Variants in KRT7 observed in about 807,000 individuals in gnomAD.
The protein encoded by KRT7 is keratin, type II cytoskeletal 7.
A neutral mutation model predicts 42.8 loss-of-function variants in KRT7; 50 were observed. The ratio of observed to expected loss-of-function variants is 1.17; its 90% CI spans 0.93 to 1.48. KRT7 has a LOEUF of 1.48. Ranked by LOEUF, KRT7 falls within the 40% of genes most tolerant of loss-of-function variation. The pLI is 0.00. For missense variants in KRT7, 588 were observed against 637.6 expected (o/e 0.92, Z 0.84); for synonymous variants, 268 against 266.3 (o/e 1.01, Z -0.06).
chr12:52,253,748 C>A (rs765286251), downstream of KRT7: 1 of 1,042,286 alleles, frequency 9.6e-7, no homozygotes, highest in African/African-American at 1.6e-5. Flanking sequence ...AGATGTGCGA[C>A]TGGAGAACGC....
chr12:52,244,467 T>G, intron 6 of KRT7: 10 of 985,848 alleles, frequency 1.0e-5, no homozygotes, highest in Non-Finnish European at 1.2e-5. Context: ...TGGCGTTGGC[T>G]CTGGGGGCAC....
chr12:52,237,476 G>A (rs1349828007), intron 2 of KRT7, 33 bp from the exon 3 acceptor site: 2 of 1,542,518 alleles, frequency 1.3e-6, no homozygotes, highest in Middle Eastern at 1.7e-4. Flanking sequence ...TGGAGGCAAA[G>A]CTGCATCAAC....
chr12:52,250,684 A>T (rs947574841), downstream of KRT7: 64 of 604,492 alleles, frequency 1.1e-4, no homozygotes, highest in African/African-American at 1.1e-3. Flanking sequence ...TGGCGGCCAG[A>T]GGCCCCTTCT....
Position 52,245,621 on chromosome 12 carries a change from C to T in KRT7, c.1194C>T (p.Gly398=), listed in dbSNP as rs764325393. Residue 398 remains glycine (G), a synonymous_variant, in exon 7 of 9, where the codon GGC becomes GGT. Coordinates refer to ENST00000331817, the MANE Select transcript of KRT7 (RefSeq NM_005556.4). ...CCACCTACCGCAAGCTGCTGGAGGG[C>T]GAGGAGAGCCGGTGAGGACAAGGAA... ...EIATYRKLLE[G]EESRLAGDGV... The T allele has an allele frequency of 1.2e-5, 20 of 1,613,376 alleles. No individual in the cohort carries two copies. In the East Asian group the frequency reaches 1.8e-4, roughly 14 times the overall value.
intron 2 of KRT7, 44 bp from the exon 3 acceptor site, chr12:52,237,465 A>T: frequency 6.9e-7 from 1 of 1,440,452 alleles, no homozygotes; most frequent in Non-Finnish European, 9.7e-7. Context: ...GGACGGGAGC[A>T]TGGAGGCAAA....
At chr12:52,254,370 G>C (rs1942311934), downstream of KRT7, 1 of 773,220 alleles carries the variant, frequency 1.3e-6, no homozygotes, top group African/African-American at 1.7e-5. Flanking sequence ...ACATCCTAAA[G>C]GGGAGAAGGT....
intron 1 of KRT7, 68 bp downstream of exon 1, chr12:52,233,688 C>A: frequency 1.3e-6 from 2 of 1,510,058 alleles, no homozygotes; most frequent in South Asian, 1.1e-5. Flanking sequence ...CCTAACTAGC[C>A]CTGCCTGCGC....
chr12:52,249,613 G>A (rs959286514), downstream of KRT7, among the ~76,000 whole-genome samples: 4 of 152,134 alleles, frequency 2.6e-5, no homozygotes, highest in East Asian at 3.9e-4. Context: ...CAGAGTCCCC[G>A]ACACACAGGT....
rs1363695008 is a variant in KRT7 at position 52,233,405 on chromosome 12, A to C, written c.109A>C (p.Ser37Arg). ...CGCTCGCCCCGGCGGCCTTGGCAGC[A>C]GCAGCCTCTACGGCCTCGGCGCCTC... is the stretch of plus-strand genomic sequence containing the variant. Reference protein sequence around the residue: ...SSARPGGLGSSSLYGLGASRP... With the variant: ...SSARPGGLGSRSLYGLGASRP... The change falls in exon 1 of 9, where the codon AGC becomes CGC. Residue 37 changes from serine (S) to arginine (R), a missense_variant. Ser to Arg is a moderately radical substitution (Grantham distance 110, BLOSUM62 -1). Transcript: ENST00000331817. The C allele has an allele frequency of 6.4e-7, 1 of 1,564,550 alleles. No homozygotes were observed. Among genetic ancestry groups the C allele is most frequent in the Admixed American group, 1.9e-5 (1 of 52,348 alleles).
chr12:52,252,058 C>A (rs948557766), downstream of KRT7: 20 of 767,440 alleles, frequency 2.6e-5, no homozygotes, highest in African/African-American at 5.1e-5. Flanking sequence ...CCTCACACAA[C>A]CTTATAGGGA....
At chr12:52,252,896 A>G (rs1942288188), downstream of KRT7, among the ~76,000 whole-genome samples, 1 of 152,204 alleles carries the variant, frequency 6.6e-6, no homozygotes, top group African/African-American at 2.4e-5. Context: ...AACAGGCCAG[A>G]GAGGTTAAAT....
At chr12:52,246,223 C>T (rs1198443494) in intron 7 of KRT7, 2 of 152,736 alleles carry the variant, frequency 1.3e-5, no homozygotes, top group Non-Finnish European at 2.9e-5. Flanking sequence ...GAACCGCATG[C>T]CACCTCTGTC....
chr12:52,250,887 T>C (rs147346221), downstream of KRT7, among the ~76,000 whole-genome samples: 1 of 152,262 alleles, frequency 6.6e-6, no homozygotes, highest in Non-Finnish European at 1.5e-5. Context: ...ATTTTGTCAT[T>C]GTGCGAACAT....
chr12:52,252,158 C>T (rs963098805), downstream of KRT7: 18 of 1,406,794 alleles, frequency 1.3e-5, no homozygotes, highest in Non-Finnish European at 1.8e-5. Flanking sequence ...CGTTGATGCA[C>T]ATTCCAAGTA....
intron 2 of KRT7, among the ~76,000 whole-genome samples, chr12:52,235,813 C>A (rs1942004914): frequency 6.6e-6 from 1 of 152,162 alleles, no homozygotes; most frequent in African/African-American, 2.4e-5. Context: ...GCAAAGGTCA[C>A]TGGGAGAGCT....
downstream of KRT7, chr12:52,253,713 A>G: frequency 7.5e-7 from 1 of 1,337,860 alleles, no homozygotes; most frequent in South Asian, 1.1e-5. Context: ...ACTGTTGTCC[A>G]TCTTGACGAC....
intron 7 of KRT7, chr12:52,247,388 T>TC (rs2121108590): frequency 6.6e-6 from 1 of 152,276 alleles, no homozygotes; most frequent in Non-Finnish European, 1.5e-5. Context: ...CCTCTCTCTT[T>TC]CCCTCAGCCT....
downstream of KRT7, chr12:52,254,265 G>A (rs182083469): frequency 1.5e-5 from 14 of 914,872 alleles, no homozygotes; most frequent in Admixed American, 5.4e-5. Flanking sequence ...TTGTGACCCC[G>A]CACCTCCTCA....
chr12:52,234,715 T>C (rs968523592), intron 1 of KRT7, among the ~76,000 whole-genome samples: 3 of 152,032 alleles, frequency 2.0e-5, no homozygotes, highest in Admixed American at 6.5e-5. Flanking sequence ...TTACCATGGA[T>C]TGACTGTCCT....
Sources: gnomAD v4.1 joint callset for allele counts (sites outside exome capture counted in the v4.1 genomes callset) on GRCh38, gnomAD v4.1.1 for gene constraint, MANE v1.5 for transcripts, NCBI Gene and HGNC (gene_info 2026-07-23, HGNC 2026-07-21) for gene names.